The following ZPR1 variants were observed in gnomAD, a reference collection of about 807,000 sequenced individuals.
ZPR1 encodes ZPR1 zinc finger.
ZPR1 carries 37 observed loss-of-function variants against 59.6 expected under a neutral mutation model. The observed-to-expected ratio is 0.62, with a 90% CI of 0.48 to 0.82. ZPR1 has a LOEUF of 0.82. ZPR1 is among the 40% of genes least tolerant of loss of function. The pLI, the probability that ZPR1 is intolerant of heterozygous loss-of-function variation, is 0.00. For synonymous variants in ZPR1, 191 were observed against 215.2 expected, an observed-to-expected ratio of 0.89 and a Z score of 0.99; for missense variants, 527 against 579.9, an observed-to-expected ratio of 0.91 and a Z score of 0.94.
intron 12 of ZPR1, 96 bp downstream of exon 12, chr11:116,782,062 G>T: frequency 1.2e-6 from 1 of 843,954 alleles, no homozygotes; most frequent in Non-Finnish European, 1.9e-6. Flanking sequence ...CCAACATGAT[G>T]GTTAGATGTT....
chr11:116,785,102 A>G lies in ZPR1; in HGVS notation c.750T>C (p.Asn250=), dbSNP rs747840526. 5 of 1,614,128 alleles carry G rather than the reference A, an allele frequency of 3.1e-6. No individual in the cohort carries two copies. The Admixed American group carries it at 8.3e-5, about 27-fold the overall frequency. The change falls in exon 7 of 14, where the codon AAT becomes AAC. Residue 250 remains asparagine (N), a synonymous_variant. Coordinates refer to ENST00000227322, the MANE Select transcript of ZPR1 (RefSeq NM_003904.5). ...AEKPEEEDLR[N]EVLQFSTNCP... is the part of the protein sequence containing the mutation. Reference sequence around the variant, plus strand: ...ACCAGTAGCCAATGTGACTCACTTCATTTCTGAGATCTTCCTCTTCTGGCT... The same window carrying G: ...ACCAGTAGCCAATGTGACTCACTTCGTTTCTGAGATCTTCCTCTTCTGGCT...
chr11:116,775,422 C>G lies in ZPR1; in HGVS notation c.*3503G>C, dbSNP rs988091186. The G allele has an allele frequency of 6.8e-6, 1 of 147,494 alleles. No individual in the cohort carries two copies. The highest frequency in any genetic ancestry group is 2.5e-5 in the African/African-American group (1 of 39,378). The allele number at this position is 147,494 out of a possible 1,614,324, so 9.1% of individuals were successfully genotyped here. Reference sequence around the variant, plus strand: ...GCAGTGAGCCAAGATCGCACCACTGCACTCCATCCTGGGTGACAGAGCAAG... The same window carrying G: ...GCAGTGAGCCAAGATCGCACCACTGGACTCCATCCTGGGTGACAGAGCAAG... On this transcript the variant is annotated 3_prime_UTR_variant, in exon 14 of 14. Coordinates refer to ENST00000227322, the MANE Select transcript of ZPR1 (RefSeq NM_003904.5).
In ZPR1 at chr11:116,787,513, A is replaced by C. The variant is rs1565322871; in HGVS notation, c.302T>G (p.Val101Gly). The C allele has an allele frequency of 1.9e-6, 3 of 1,613,562 alleles. No individual in the cohort carries two copies. The highest frequency in any genetic ancestry group is 2.5e-6 in the Non-Finnish European group (3 of 1,179,882). The part of the protein sequence containing the change: ...QSAGRIQDQG[V>G]RYTLSVRALE... ...AGCCCTGACAGACAAAGTGTAGCGC[A>C]CTCCCTGGTCCTGGATCCTGCCTGC... Residue 101 changes from valine (V) to glycine (G), a missense_variant, in exon 2 of 14, where the codon GTG (valine) becomes GGG (glycine). By Grantham distance (109) the Val-to-Gly change is moderately radical. Transcript: ENST00000227322.
intron 12 of ZPR1, among the ~76,000 whole-genome samples, chr11:116,780,349 A>C (rs1940787780): frequency 1.3e-5 from 2 of 151,198 alleles, no homozygotes; most frequent in African/African-American, 4.9e-5. Context: ...AACAGAATAC[A>C]TACACACCCC....
At chr11:116,787,219 G>A (rs1156365592) in intron 2 of ZPR1, 160 bp from the exon 3 acceptor site, 1 of 713,204 alleles carries the variant, frequency 1.4e-6, no homozygotes, top group African/African-American at 1.8e-5. Context: ...TACAGGTGGT[G>A]TGAGCCAGGC....
chr11:116,783,768 C>G (rs1186927969), intron 9 of ZPR1, 149 bp from the exon 10 acceptor site: 2 of 610,318 alleles, frequency 3.3e-6, no homozygotes, highest in African/African-American at 3.7e-5. Flanking sequence ...GTCGCCCAAA[C>G]CAAAAACACC....
intron 10 of ZPR1, 97 bp downstream of exon 10, chr11:116,783,433 G>T: frequency 4.7e-6 from 5 of 1,055,516 alleles, no homozygotes; most frequent in Non-Finnish European, 7.3e-6. Context: ...GATACCTCAT[G>T]TCCCTGAACA....
chr11:116,781,632 C>T (rs932054476), intron 12 of ZPR1, among the ~76,000 whole-genome samples: 4 of 152,180 alleles, frequency 2.6e-5, no homozygotes, highest in African/African-American at 4.8e-5. Context: ...AATTTTATTT[C>T]CCATGCACTT....
At chr11:116,779,675 T>C in intron 13 of ZPR1, 97 bp downstream of exon 13, 2 of 914,848 alleles carry the variant, frequency 2.2e-6, no homozygotes, top group Non-Finnish European at 3.4e-6. Context: ...AAGCAGTCCA[T>C]TTAGAATCAA....
At chr11:116,787,216 GGTGT>G in intron 2 of ZPR1, 157 bp from the exon 3 acceptor site, 2 of 720,500 alleles carry the variant, frequency 2.8e-6, no homozygotes. Context: ...TAGTACAGGT[GGTGT>G]GAGCCAGGCT....
At chr11:116,784,565 C>T in intron 8 of ZPR1, 117 bp from the exon 9 acceptor site, 1 of 1,066,276 alleles carries the variant, frequency 9.4e-7, no homozygotes, top group Non-Finnish European at 1.4e-6. Context: ...GAAATATTCA[C>T]AAGAGGCAGC....
At chr11:116,785,176 T>C in intron 6 of ZPR1, 30 bp from the exon 7 acceptor site, 1 of 1,613,238 alleles carries the variant, frequency 6.2e-7, no homozygotes, top group Non-Finnish European at 8.5e-7. Context: ...GGTCGCAAGT[T>C]GGCAGGTATA....
chr11:116,785,427 A>T (rs1940868826), intron 6 of ZPR1, 87 bp downstream of exon 6: 1 of 1,555,288 alleles, frequency 6.4e-7, no homozygotes, highest in East Asian at 2.2e-5. Flanking sequence ...ACAGAGCAGC[A>T]GCAGCAAAAT....
chr11:116,777,539 T>C lies in ZPR1; in HGVS notation c.*1386A>G, dbSNP rs1223279529. On this transcript the variant is annotated 3_prime_UTR_variant, in exon 14 of 14. Coordinates refer to ENST00000227322, the MANE Select transcript of ZPR1 (RefSeq NM_003904.5). ...TTAGCTGGGTGTGGCGGCGTGCGCCTGTAGTCCCCGCTACTCGGGAGGCTG... is the reference window on the plus strand; with the variant it reads ...TTAGCTGGGTGTGGCGGCGTGCGCCCGTAGTCCCCGCTACTCGGGAGGCTG... 5 of 152,124 alleles carry C rather than the reference T, an allele frequency of 3.3e-5. No homozygotes were observed. Among genetic ancestry groups the C allele is most frequent in the Admixed American group, 6.5e-5 (1 of 15,270 alleles). 9.4% of individuals were successfully genotyped at this position (152,124 alleles called of 1,614,324 possible). A position where few individuals can be genotyped will look rare whatever the true frequency, so the allele number is the denominator to read the frequency against.
intron 1 of ZPR1, 80 bp downstream of exon 1, chr11:116,787,740 C>T: frequency 6.6e-7 from 1 of 1,525,556 alleles, no homozygotes; most frequent in Non-Finnish European, 8.8e-7. Flanking sequence ...CGGCCGGGCC[C>T]ACCTGGCTGG....
chr11:116,786,727 A>C, intron 3 of ZPR1, 146 bp from the exon 4 acceptor site: 4 of 735,414 alleles, frequency 5.4e-6, no homozygotes, highest in Non-Finnish European at 9.4e-6. Context: ...GGTTCCATTC[A>C]TGTCTGATAA....
intron 1 of ZPR1, 63 bp downstream of exon 1, chr11:116,787,756 AC>A: frequency 6.6e-7 from 1 of 1,521,074 alleles, no homozygotes. Flanking sequence ...GCTGGGTCTG[AC>A]CCCCGGCTCG....
chr11:116,787,090 G>A (rs368420890), intron 2 of ZPR1, 31 bp from the exon 3 acceptor site: 2 of 1,575,102 alleles, frequency 1.3e-6, no homozygotes, highest in East Asian at 2.2e-5. Flanking sequence ...TCAGTACAAA[G>A]AGACTGCAGA....
At chr11:116,780,052 A>G (rs1382861064) in intron 12 of ZPR1, among the ~76,000 whole-genome samples, 1 of 151,298 alleles carries the variant, frequency 6.6e-6, no homozygotes, top group Non-Finnish European at 1.5e-5. Context: ...ATAAATATAT[A>G]TATAAATAAA....
Sources: gnomAD v4.1 joint callset for allele counts (sites outside exome capture counted in the v4.1 genomes callset) on GRCh38, gnomAD v4.1.1 for gene constraint, MANE v1.5 for transcripts, NCBI Gene and HGNC (gene_info 2026-07-23, HGNC 2026-07-21) for gene names.